NLGN1: variants seen among roughly 807,000 people sequenced by gnomAD.
NLGN1 encodes neuroligin-1.
In NLGN1, 12 loss-of-function variants were observed where a neutral mutation model predicts 65.5. That is an observed-to-expected ratio of 0.18 (90% CI 0.12 to 0.30). The LOEUF is 0.30. NLGN1 is among the 10% of genes least tolerant of loss of function. NLGN1 has a pLI of 1.00. For missense variants in NLGN1, 750 were observed against 1,007.1 expected (o/e 0.74, Z 3.46); for synonymous variants, 350 against 359.5 (o/e 0.97, Z 0.30).
chr3:173,923,316 G>C (rs955628677), intron 4 of NLGN1, among the ~76,000 whole-genome samples: 2 of 152,036 alleles, frequency 1.3e-5, no homozygotes, highest in African/African-American at 4.8e-5. Context: ...ACTTCAAAAG[G>C]ACTTTCCAAA....
chr3:174,147,460 T>C (rs1310337144), intron 4 of NLGN1, among the ~76,000 whole-genome samples: 1 of 118,478 alleles, frequency 8.4e-6, no homozygotes, highest in Non-Finnish European at 1.8e-5. Flanking sequence ...TGAGACAGAG[T>C]TTTGCTCTTT....
chr3:173,821,902 T>C lies in NLGN1; in HGVS notation c.646+14070T>C, dbSNP rs186474858. ...AAAGTATTTGTGAGAGCATATACAA[T>C]AACATTATGTTGAGATATACATAAT... On this transcript the variant is annotated intron_variant, in intron 4 of 6. Coordinates refer to ENST00000457714, the Ensembl canonical transcript of NLGN1. 1.1e-3 allele frequency among the ~76,000 whole-genome samples: 162 copies of C among 152,288 alleles called. 1 individual carries two copies. In the Middle Eastern group the frequency reaches 0.014, roughly 13 times the overall value.
At chr3:173,779,052 A>G (rs1443560588) in intron 3 of NLGN1, among the ~76,000 whole-genome samples, 1 of 151,604 alleles carries the variant, frequency 6.6e-6, no homozygotes, top group Non-Finnish European at 1.5e-5. Flanking sequence ...TTAAAGAATA[A>G]GAACATTCCT....
At chr3:173,639,805 T>A (rs1361494136) in intron 3 of NLGN1, among the ~76,000 whole-genome samples, 10 of 152,200 alleles carry the variant, frequency 6.6e-5, no homozygotes, top group Non-Finnish European at 1.5e-4. Flanking sequence ...TTTATAATGT[T>A]CACTAAGCAA....
intron 4 of NLGN1, among the ~76,000 whole-genome samples, chr3:174,266,921 G>A (rs1748361417): frequency 6.6e-6 from 1 of 151,846 alleles, no homozygotes; most frequent in Non-Finnish European, 1.5e-5. Context: ...TAATGAAATA[G>A]GTGACAATAA....
At chr3:174,025,144 T>A (rs1380101965) in intron 4 of NLGN1, among the ~76,000 whole-genome samples, 1 of 152,194 alleles carries the variant, frequency 6.6e-6, no homozygotes, top group Non-Finnish European at 1.5e-5. Context: ...TAATCATAAA[T>A]TTATGTAGAA....
intron 4 of NLGN1, among the ~76,000 whole-genome samples, chr3:174,129,537 G>T (rs1432754622): frequency 5.3e-5 from 8 of 152,158 alleles, no homozygotes; most frequent in Admixed American, 3.9e-4. Context: ...ATTAGTCAAA[G>T]TACGTACGAC....
At position 173,480,723 on chromosome 3, in the gene NLGN1, T is replaced by C. The variant is rs368155207; in HGVS notation, c.-321+45645T>C. 9.2e-5 allele frequency among the ~76,000 whole-genome samples: 14 copies of C among 152,230 alleles called. No homozygotes were observed. The East Asian group carries it at 1.2e-3, about 13-fold the overall frequency. On this transcript the variant is annotated intron_variant, in intron 2 of 6. Coordinates refer to ENST00000457714, the Ensembl canonical transcript of NLGN1. ...TTAGCTTTTTAATTATTCCACTCAATTAGTCAATCACTTGTCTAGATCTCT... is the reference window on the plus strand; with the variant it reads ...TTAGCTTTTTAATTATTCCACTCAACTAGTCAATCACTTGTCTAGATCTCT...
intron 2 of NLGN1, among the ~76,000 whole-genome samples, chr3:173,445,250 A>G (rs1384102588): frequency 2.2e-5 from 3 of 137,588 alleles, no homozygotes; most frequent in African/African-American, 8.4e-5. Flanking sequence ...CCTGGGCGAC[A>G]GAGCGAGACT....
chr3:174,222,245 C>T (rs908573063), intron 4 of NLGN1, among the ~76,000 whole-genome samples: 18 of 151,982 alleles, frequency 1.2e-4, no homozygotes, highest in African/African-American at 3.9e-4. Context: ...TAATTTATTC[C>T]ACAAACATTT....
intron 3 of NLGN1, among the ~76,000 whole-genome samples, chr3:173,679,976 T>G (rs553836949): frequency 6.6e-6 from 1 of 152,214 alleles, no homozygotes; most frequent in East Asian, 1.9e-4. Flanking sequence ...TCAGGAAATC[T>G]TCTACAGAAG....
intron 4 of NLGN1, among the ~76,000 whole-genome samples, chr3:174,063,376 A>C (rs982808375): frequency 4.6e-5 from 7 of 152,164 alleles, no homozygotes; most frequent in African/African-American, 1.4e-4. Flanking sequence ...TGCTATGGGA[A>C]ATGACATCCG....
intron 4 of NLGN1, among the ~76,000 whole-genome samples, chr3:174,259,203 C>G (rs543396636): frequency 1.3e-5 from 2 of 152,196 alleles, no homozygotes; most frequent in East Asian, 3.9e-4. Context: ...ATACATTACC[C>G]AGACCTTATC....
chr3:174,159,120 T>C (rs7625920), intron 4 of NLGN1, among the ~76,000 whole-genome samples: 28,276 of 151,608 alleles, frequency 0.19, 2,859 homozygotes, highest in African/African-American at 0.25. Context: ...CTCGGTAGTA[T>C]TGCATCTGTT....
intron 4 of NLGN1, among the ~76,000 whole-genome samples, chr3:174,174,091 C>T (rs1487222570): frequency 6.6e-6 from 1 of 152,054 alleles, no homozygotes; most frequent in Non-Finnish European, 1.5e-5. Context: ...TTATTCCATT[C>T]GTGAGTTACT....
At chr3:173,898,742 T>A (rs1193803726) in intron 4 of NLGN1, among the ~76,000 whole-genome samples, 1 of 152,168 alleles carries the variant, frequency 6.6e-6, no homozygotes, top group Non-Finnish European at 1.5e-5. Flanking sequence ...GATTGTATGC[T>A]ACTTTGACAA....
intron 4 of NLGN1, among the ~76,000 whole-genome samples, chr3:174,227,112 A>T (rs1433702453): frequency 7.2e-5 from 11 of 152,186 alleles, no homozygotes; most frequent in Admixed American, 7.2e-4. Context: ...GCATGAATTG[A>T]TAAATGGAGA....
intron 4 of NLGN1, among the ~76,000 whole-genome samples, chr3:173,991,048 T>C (rs185634494): frequency 5.3e-5 from 8 of 152,276 alleles, no homozygotes; most frequent in Admixed American, 3.9e-4. Context: ...GATGAACCGA[T>C]ATTGACACAT....
intron 3 of NLGN1, among the ~76,000 whole-genome samples, chr3:173,633,804 C>T (rs992919511): frequency 6.6e-6 from 1 of 152,142 alleles, no homozygotes; most frequent in East Asian, 1.9e-4. Flanking sequence ...TTCTAATTAT[C>T]GTTTAGCAGT....
Sources: gnomAD v4.1 joint callset for allele counts (sites outside exome capture counted in the v4.1 genomes callset) on GRCh38, gnomAD v4.1.1 for gene constraint, MANE v1.5 for transcripts, NCBI Gene and HGNC (gene_info 2026-07-23, HGNC 2026-07-21) for gene names.